Variants in TIAM1 observed in about 807,000 individuals in gnomAD.
TIAM1 encodes TIAM Rac1 associated GEF 1, also known as rho guanine nucleotide exchange factor TIAM1.
TIAM1 carries 65 observed loss-of-function variants against 163.5 expected under a neutral mutation model. That is an observed-to-expected ratio of 0.40 (90% CI 0.33 to 0.49). TIAM1 has a LOEUF of 0.49. Among genes scored for constraint, TIAM1 ranks in the 20% least tolerant of loss-of-function variants. TIAM1 has a pLI of 0.77. For missense variants in TIAM1, 1,789 were observed against 2,044.7 expected, an observed-to-expected ratio of 0.87 and a Z score of 2.41; for synonymous variants, 833 against 810.1, an observed-to-expected ratio of 1.03 and a Z score of -0.48.
At chr21:31,402,142 G>A (rs1160269360) in intron 2 of TIAM1, among the ~76,000 whole-genome samples, 1 of 152,058 alleles carries the variant, frequency 6.6e-6, no homozygotes, top group Non-Finnish European at 1.5e-5. Context: ...GAACCCAGGA[G>A]GCGGAGATTG....
intron 2 of TIAM1, among the ~76,000 whole-genome samples, chr21:31,364,634 C>T (rs921089950): frequency 2.6e-5 from 4 of 152,144 alleles, no homozygotes; most frequent in Non-Finnish European, 5.9e-5. Context: ...AATCTTGGAA[C>T]AGCTGACACC....
chr21:31,315,265 A>C (rs527555995), intron 2 of TIAM1, among the ~76,000 whole-genome samples: 1 of 152,280 alleles, frequency 6.6e-6, no homozygotes, highest in Non-Finnish European at 1.5e-5. Flanking sequence ...CTGTAATCCC[A>C]GCACTTTGGG....
chr21:31,238,150 G>A lies in TIAM1; in HGVS notation c.1584+7338C>T, dbSNP rs186552685. Reference sequence around the variant, plus strand: ...AGCACACAGGCTCTGGAAACTGTGTGCACTGAATTGAGCCCTGGGGCTGGA... The same window carrying A: ...AGCACACAGGCTCTGGAAACTGTGTACACTGAATTGAGCCCTGGGGCTGGA... On this transcript the variant is annotated intron_variant, in intron 6 of 27. Coordinates refer to ENST00000541036, the MANE Select transcript of TIAM1 (RefSeq NM_001353694.2). Among the ~76,000 whole-genome samples the A allele has an allele frequency of 2.0e-5, 3 of 152,332 alleles. No individual in the cohort carries two copies. In the East Asian group the frequency reaches 5.8e-4, roughly 29 times the overall value.
intron 14 of TIAM1, among the ~76,000 whole-genome samples, chr21:31,184,286 A>C (rs1286842090): frequency 6.6e-6 from 1 of 152,002 alleles, no homozygotes; most frequent in Non-Finnish European, 1.5e-5. Context: ...TTGTATTTTT[A>C]GTAGAGACAG....
intron 22 of TIAM1, among the ~76,000 whole-genome samples, chr21:31,138,759 A>C (rs2082720066): frequency 6.6e-6 from 1 of 152,208 alleles, no homozygotes; most frequent in Admixed American, 6.5e-5. Flanking sequence ...ATGGAAGAAA[A>C]AGAGATGAAA....
intron 2 of TIAM1, among the ~76,000 whole-genome samples, chr21:31,321,205 T>C (rs1028560419): frequency 1.3e-5 from 2 of 152,094 alleles, no homozygotes; most frequent in African/African-American, 2.4e-5. Context: ...ATGTGCTCAG[T>C]GCAGGGACTG....
At position 31,118,857 on chromosome 21, in the gene TIAM1, G is replaced by A. The variant is rs1050073137; in HGVS notation, c.*1511C>T. On this transcript the variant is annotated 3_prime_UTR_variant, in exon 28 of 28. Transcript: ENST00000541036. ...GGGGGAATACAGGGTGGGAACGCAG[G>A]AAAAGCAGGCAGAGGCACAAGAGCA... The A allele has an allele frequency of 5.9e-6, 2 of 340,124 alleles. No homozygotes were observed. The highest frequency in any genetic ancestry group is 4.3e-5 in the African/African-American group (2 of 46,172). The allele number at this position is 340,124 out of a possible 1,614,324, so 21.1% of individuals were successfully genotyped here.
At chr21:31,213,539 G>GGGAA (rs1220905593) in intron 9 of TIAM1, 67 bp from the exon 10 acceptor site, 16 of 1,421,132 alleles carry the variant, frequency 1.1e-5, no homozygotes, top group Non-Finnish European at 1.5e-5. Flanking sequence ...CGTAGGAAGG[G>GGGAA]GGAAGGAAAT....
intron 2 of TIAM1, among the ~76,000 whole-genome samples, chr21:31,285,178 C>T (rs1344364391): frequency 1.3e-5 from 2 of 150,236 alleles, no homozygotes; most frequent in African/African-American, 2.5e-5. Flanking sequence ...GATTTCATTC[C>T]CCAAGCCACC....
chr21:31,121,224 G>A (rs1372901173), intron 27 of TIAM1, among the ~76,000 whole-genome samples: 1 of 152,158 alleles, frequency 6.6e-6, no homozygotes, highest in African/African-American at 2.4e-5. Flanking sequence ...GGATCAGTTA[G>A]TGAGTTAGTG....
At chr21:31,170,389 A>G (rs1184159392) in intron 15 of TIAM1, among the ~76,000 whole-genome samples, 3 of 152,238 alleles carry the variant, frequency 2.0e-5, no homozygotes, top group African/African-American at 7.2e-5. Context: ...TTATGCAAGT[A>G]GGCCACATAT....
At chr21:31,144,851 AAG>A (rs1261767698) in intron 20 of TIAM1, among the ~76,000 whole-genome samples, 1,699 of 147,086 alleles carry the variant, frequency 0.012, 41 homozygotes, top group African/African-American at 0.043. Flanking sequence ...AAAAAAAAAA[AAG>A]AAAAGAAAAG....
chr21:31,392,336 A>T (rs1602166594), intron 2 of TIAM1, among the ~76,000 whole-genome samples: 1 of 152,030 alleles, frequency 6.6e-6, no homozygotes, highest in African/African-American at 2.4e-5. Context: ...TTTGGGAGGC[A>T]GAGGCGGGTA....
At chr21:31,150,224 T>C (rs1424896741) in intron 19 of TIAM1, among the ~76,000 whole-genome samples, 1 of 152,210 alleles carries the variant, frequency 6.6e-6, no homozygotes, top group Non-Finnish European at 1.5e-5. Flanking sequence ...CATACTTATG[T>C]GTGTTTGTAT....
chr21:31,204,548 C>T (rs1278780496), intron 11 of TIAM1, among the ~76,000 whole-genome samples: 1 of 152,174 alleles, frequency 6.6e-6, no homozygotes, highest in East Asian at 1.9e-4. Context: ...GCCAAACTAA[C>T]AGCATTCCAA....
At chr21:31,503,665 A>T (rs1382949257) in intron 1 of TIAM1, among the ~76,000 whole-genome samples, 1 of 114,464 alleles carries the variant, frequency 8.7e-6, no homozygotes, top group Non-Finnish European at 1.8e-5. Flanking sequence ...TGACAAAACC[A>T]AAACGGCAGG....
At chr21:31,168,349 C>A (rs186898109) in intron 15 of TIAM1, among the ~76,000 whole-genome samples, 1 of 152,112 alleles carries the variant, frequency 6.6e-6, no homozygotes, top group African/African-American at 2.4e-5. Context: ...ACCTCGGCCC[C>A]CCAAAGTGCT....
At chr21:31,403,307 C>T (rs77198553) in intron 2 of TIAM1, among the ~76,000 whole-genome samples, 10,139 of 152,040 alleles carry the variant, frequency 0.067, 1,050 homozygotes, top group African/African-American at 0.22. Context: ...GCCACCACAC[C>T]CGGCTAATTT....
chr21:31,329,606 C>T (rs1601988314), intron 2 of TIAM1, among the ~76,000 whole-genome samples: 1 of 152,178 alleles, frequency 6.6e-6, no homozygotes, highest in Admixed American at 6.5e-5. Flanking sequence ...GTGTCCACAG[C>T]GCAGCACATG....
Sources: allele counts gnomAD v4.1 joint callset (sites outside exome capture counted in the v4.1 genomes callset), GRCh38; gene constraint gnomAD v4.1.1; transcripts MANE v1.5; gene names NCBI Gene and HGNC (gene_info 2026-07-23, HGNC 2026-07-21).